MOXD1: variants seen among roughly 807,000 people sequenced by gnomAD.
MOXD1 encodes monooxygenase DBH like 1.
A neutral mutation model predicts 66.6 loss-of-function variants in MOXD1; 62 were observed. The observed-to-expected ratio is 0.93, with a 90% CI of 0.76 to 1.15. MOXD1 has a LOEUF of 1.15. MOXD1 is among the 50% of genes most tolerant of loss of function. The pLI is 0.00. For synonymous variants in MOXD1, 303 were observed against 281.9 expected (o/e 1.07, Z -0.75); for missense variants, 847 against 754.6 (o/e 1.12, Z -1.44).
intron 2 of MOXD1, 100 bp downstream of exon 2, chr6:132,374,531 G>T: frequency 1.9e-6 from 2 of 1,040,940 alleles, no homozygotes; most frequent in Non-Finnish European, 2.6e-6. Flanking sequence ...AAAAATATTA[G>T]AAAAAAGACT....
chr6:132,397,690 GAAAGAA>G (rs1459561919), intron 1 of MOXD1, among the ~76,000 whole-genome samples: 43 of 122,088 alleles, frequency 3.5e-4, no homozygotes, highest in African/African-American at 1.2e-3. Context: ...AAGAAAGAAA[GAAAGAA>G]AGAAAAAGAA....
At chr6:132,327,023 C>A (rs571223964) in intron 6 of MOXD1, among the ~76,000 whole-genome samples, 2 of 152,236 alleles carry the variant, frequency 1.3e-5, no homozygotes, top group African/African-American at 4.8e-5. Context: ...TTAATGGGTC[C>A]TACAAGATCT....
rs561907840 is a variant in MOXD1 at position 132,396,175 on chromosome 6, A to G, written c.264+4988T>C. ...AGTCTCAACAAATTTTAAAAAATCG[A>G]AATCATATCAAGTATCTTCTCAGAC... On this transcript the variant is annotated intron_variant, in intron 1 of 11. Transcript: ENST00000367963. 2.6e-5 allele frequency among the ~76,000 whole-genome samples: 4 copies of G among 152,330 alleles called. No homozygotes were observed. The East Asian group carries it at 5.8e-4, about 22-fold the overall frequency.
At position 132,322,814 on chromosome 6, in the gene MOXD1, A is replaced by G; in HGVS notation, c.1170T>C (p.Ala390=). The change falls in exon 8 of 12, where the codon GCT becomes GCC. Residue 390 remains alanine, a synonymous_variant. Coordinates refer to ENST00000367963, the MANE Select transcript of MOXD1 (RefSeq NM_015529.4). Reference sequence around the variant, plus strand: ...GCCTGATGCCTCTGCCAGCCAGGTGAGCATGGAGAAGAACAGCAAACACAT... The same window carrying G: ...GCCTGATGCCTCTGCCAGCCAGGTGGGCATGGAGAAGAACAGCAAACACAT... ...GIHVFAVLLH[A]HLAGRGIRLR... 1 of 1,614,114 alleles carries G rather than the reference A, an allele frequency of 6.2e-7. No individual in the cohort carries two copies. Among genetic ancestry groups the G allele is most frequent in the Non-Finnish European group, 8.5e-7 (1 of 1,179,980 alleles).
chr6:132,336,210 T>C (rs889351719), intron 4 of MOXD1, among the ~76,000 whole-genome samples: 1 of 152,146 alleles, frequency 6.6e-6, no homozygotes, highest in African/African-American at 2.4e-5. Flanking sequence ...GCTGGAAATT[T>C]TGTAAATTCC....
In MOXD1 at chr6:132,306,209, T is replaced by G. The variant is rs9388980; in HGVS notation, c.1509-8254A>C. 0.028 allele frequency among the ~76,000 whole-genome samples: 4,279 copies of G among 152,044 alleles called. 351 individuals are homozygous for G. In the East Asian group the frequency reaches 0.33, roughly 12 times the overall value. ...TGAAAAATACAGCACGAGAATTTCA[T>G]GAAGCATACACAAATATCAACAGCC... is the stretch of plus-strand genomic sequence containing the variant. On this transcript the variant is annotated intron_variant, in intron 10 of 11. Transcript: ENST00000367963.
chr6:132,348,723 T>G (rs1429050217), intron 4 of MOXD1, among the ~76,000 whole-genome samples: 1 of 152,140 alleles, frequency 6.6e-6, no homozygotes, highest in Admixed American at 6.5e-5. Flanking sequence ...AAAGAAAAAT[T>G]TACAGTTTCA....
chr6:132,328,230 T>G, intron 5 of MOXD1, 115 bp from the exon 6 acceptor site: 1 of 1,199,518 alleles, frequency 8.3e-7, no homozygotes, highest in Middle Eastern at 2.0e-4. Flanking sequence ...CCCATTCATC[T>G]ACAATTGATG....
At chr6:132,335,277 A>G (rs1036245431) in intron 4 of MOXD1, among the ~76,000 whole-genome samples, 1 of 146,606 alleles carries the variant, frequency 6.8e-6, no homozygotes, top group Admixed American at 6.8e-5. Flanking sequence ...TGAAAGAAAC[A>G]TATTTTTTTT....
intron 1 of MOXD1, among the ~76,000 whole-genome samples, chr6:132,378,810 A>G (rs531195172): frequency 2.7e-5 from 4 of 149,666 alleles, no homozygotes; most frequent in African/African-American, 9.7e-5. Context: ...CAAATATTTA[A>G]GGAAGAGGTA....
At chr6:132,316,502 G>A (rs190146234) in intron 9 of MOXD1, among the ~76,000 whole-genome samples, 3 of 152,106 alleles carry the variant, frequency 2.0e-5, no homozygotes, top group Admixed American at 2.0e-4. Context: ...GTAGTTAAAG[G>A]CAAATGTCTC....
At chr6:132,313,113 T>G (rs573655677) in intron 10 of MOXD1, among the ~76,000 whole-genome samples, 1 of 152,268 alleles carries the variant, frequency 6.6e-6, no homozygotes, top group East Asian at 1.9e-4. Context: ...TATTTATGTA[T>G]ATTTATATAT....
At chr6:132,395,605 T>C (rs1190741445) in intron 1 of MOXD1, among the ~76,000 whole-genome samples, 2 of 152,156 alleles carry the variant, frequency 1.3e-5, no homozygotes, top group African/African-American at 4.8e-5. Context: ...TTAAAAAACA[T>C]GACCTGACTA....
chr6:132,348,152 A>G (rs1158646963), intron 4 of MOXD1, among the ~76,000 whole-genome samples: 4 of 152,228 alleles, frequency 2.6e-5, no homozygotes, highest in Admixed American at 6.5e-5. Flanking sequence ...CTTTCCAGAT[A>G]CTGCATAAGA....
At chr6:132,351,568 T>C (rs537065150) in intron 4 of MOXD1, among the ~76,000 whole-genome samples, 2 of 152,310 alleles carry the variant, frequency 1.3e-5, no homozygotes, top group South Asian at 4.1e-4. Flanking sequence ...GATTTTAGCA[T>C]CTAAGTTCAT....
In MOXD1 at chr6:132,328,105, T is replaced by A; in HGVS notation, c.854A>T (p.Tyr285Phe). 1.9e-6 allele frequency: 3 copies of A among 1,613,276 alleles called. No individual in the cohort carries two copies. The highest frequency in any genetic ancestry group is 2.5e-6 in the Non-Finnish European group (3 of 1,179,310). Residue 285 changes from tyrosine to phenylalanine, a missense_variant, in exon 6 of 12, where the codon TAT becomes TTT. Transcript: ENST00000367963. ...AWAIGGEGFS[Y>F]PPHVGLSLGT... ...AAGGGATAATCCAACATGAGGTGGA[T>A]AAGAAAAGCCCTAAATATGGAAAAT...
intron 4 of MOXD1, among the ~76,000 whole-genome samples, chr6:132,329,428 A>T (rs1775269016): frequency 6.6e-6 from 1 of 152,186 alleles, no homozygotes; most frequent in African/African-American, 2.4e-5. Flanking sequence ...GCCGGAATAA[A>T]CATACATGTG....
At position 132,376,764 on chromosome 6, in the gene MOXD1, C is replaced by T. The variant is rs1361223289; in HGVS notation, c.265-1987G>A. Reference sequence around the variant, plus strand: ...TCCTGACCTCGTGATCCGCCCGCCTCGGCCTCCCAAAGTGCTGGGATTACA... The same window carrying T: ...TCCTGACCTCGTGATCCGCCCGCCTTGGCCTCCCAAAGTGCTGGGATTACA... On this transcript the variant is annotated intron_variant, in intron 1 of 11. Coordinates refer to ENST00000367963, the MANE Select transcript of MOXD1 (RefSeq NM_015529.4). Among the ~76,000 whole-genome samples, 2 of 60,764 alleles carry T rather than the reference C, an allele frequency of 3.3e-5. 1 individual carries two copies. Among genetic ancestry groups the T allele is most frequent in the Admixed American group, 3.3e-4 (2 of 6,022 alleles). The allele number at this position is 60,764 out of a possible 152,430, so 39.9% of individuals were successfully genotyped here.
At position 132,297,088 on chromosome 6, in the gene MOXD1, T is replaced by C. The variant is rs1648109500; in HGVS notation, c.*65A>G. On this transcript the variant is annotated 3_prime_UTR_variant, in exon 12 of 12. Coordinates refer to ENST00000367963, the MANE Select transcript of MOXD1 (RefSeq NM_015529.4). ...TCATGCCCAAAGTGGACACAGTCTTTAACCTGTACTTCAAATGACAGGTTC... is the reference window on the plus strand; with the variant it reads ...TCATGCCCAAAGTGGACACAGTCTTCAACCTGTACTTCAAATGACAGGTTC... 1 of 1,535,192 alleles carries C rather than the reference T, an allele frequency of 6.5e-7. No individual in the cohort carries two copies.
Sources: allele counts gnomAD v4.1 joint callset (sites outside exome capture counted in the v4.1 genomes callset), GRCh38; gene constraint gnomAD v4.1.1; transcripts MANE v1.5; gene names NCBI Gene and HGNC (gene_info 2026-07-23, HGNC 2026-07-21).